Variants in TMEM214 observed in about 807,000 individuals in gnomAD.
TMEM214 encodes transmembrane protein 214.
A neutral mutation model predicts 89.8 loss-of-function variants in TMEM214; 71 were observed. That is an observed-to-expected ratio of 0.79 (90% confidence interval 0.65 to 0.96). TMEM214 has a LOEUF of 0.96. Ranked by LOEUF, TMEM214 falls within the 40% of genes least tolerant of loss-of-function variation. The pLI is 0.00. For synonymous variants in TMEM214, 332 were observed against 349.5 expected (o/e 0.95, Z 0.56); for missense variants, 754 against 843.4 (o/e 0.89, Z 1.31).
chr2:27,039,714 A>C, intron 13 of TMEM214, 27 bp from the exon 14 acceptor site: 2 of 1,603,266 alleles, frequency 1.2e-6, no homozygotes, highest in Non-Finnish European at 1.7e-6. Context: ...CTCACCTCCC[A>C]GCTCACCAGA....
intron 13 of TMEM214, 72 bp downstream of exon 13, chr2:27,039,236 G>GC: frequency 8.0e-7 from 1 of 1,243,440 alleles, no homozygotes; most frequent in Non-Finnish European, 1.2e-6. Flanking sequence ...CCACCACCCC[G>GC]CCCCCAGCAG....
rs777634614 is a variant in TMEM214, at chr2:27,037,935, T to C, written c.1153-211T>C. The C allele has an allele frequency of 1.2e-5, 19 of 1,549,568 alleles. No individual in the cohort carries two copies. In the Admixed American group the frequency reaches 2.7e-4, roughly 22 times the overall value. ...TGCCCGTCTCTTGCAGATAGTGATCTTTGAGCTCAAAGCTCTAGCTCAGGA... is the reference window on the plus strand; with the variant it reads ...TGCCCGTCTCTTGCAGATAGTGATCCTTGAGCTCAAAGCTCTAGCTCAGGA... On this transcript the variant is annotated intron_variant, in intron 9 of 16. Transcript: ENST00000238788.
chr2:27,036,774 A>T lies in TMEM214; in HGVS notation c.896A>T (p.Asp299Val). ...SLSPFAITYL[D>V]RLLLMHPNLT... ...TCTCCCTTTGCCATCACATACCTGG[A>T]TCGGCTGCTCCTGTGAGTAATGGGA... The change falls in exon 7 of 17, where the codon GAT becomes GTT. Residue 299 changes from aspartate (D) to valine (V), a missense_variant. Coordinates refer to ENST00000238788, the MANE Select transcript of TMEM214 (RefSeq NM_017727.5). 1.2e-6 allele frequency: 2 copies of T among 1,614,054 alleles called. No homozygotes were observed. The highest frequency in any genetic ancestry group is 1.7e-6 in the Non-Finnish European group (2 of 1,180,006).
chr2:27,035,081 ACTCC>A (rs1667490538), intron 2 of TMEM214, 50 bp from the exon 3 acceptor site: 2 of 1,602,666 alleles, frequency 1.2e-6, no homozygotes, highest in Non-Finnish European at 1.7e-6. Flanking sequence ...CCATTTCTTT[ACTCC>A]CTCACTCACA....
At chr2:27,037,812 T>G in intron 9 of TMEM214, 110 bp downstream of exon 9, 1 of 1,605,446 alleles carries the variant, frequency 6.2e-7, no homozygotes, top group Non-Finnish European at 8.5e-7. Context: ...GGCTTTTCCT[T>G]AGCTCCCTGT....
Position 27,039,388 on chromosome 2 carries a change from C to A in TMEM214, c.1525+224C>A. 2 of 592,860 alleles carry A rather than the reference C, an allele frequency of 3.4e-6. 1 individual carries two copies. The highest frequency in any genetic ancestry group is 5.6e-5 in the East Asian group (2 of 36,016). 36.7% of individuals were successfully genotyped at this position (592,860 alleles called of 1,614,324 possible). ...AGAAGTGCTTGCATATTCATAGTAT[C>A]ATTTTAGTAGGTGTTACCTCCTTTT... is the stretch of plus-strand genomic sequence containing the variant. On this transcript the variant is annotated intron_variant, in intron 13 of 16. Coordinates refer to ENST00000238788, the MANE Select transcript of TMEM214 (RefSeq NM_017727.5).
chr2:27,038,330 T>C lies in TMEM214; in HGVS notation c.1244+93T>C, dbSNP rs1667663916. On this transcript the variant is annotated intron_variant, in intron 10 of 16. Transcript: ENST00000238788. This position sits in a 1 kb window ranked among gnomAD's most constrained non-coding sequence, Gnocchi z 4.4. ...ATGGCCTGACACCTTTCAGGCTGAG[T>C]GGGAACATTGCTGGAGCAGCCTCTA... is the stretch of plus-strand genomic sequence containing the variant. 7.1e-6 allele frequency: 11 copies of C among 1,544,714 alleles called. No homozygotes were observed. The highest frequency in any genetic ancestry group is 9.8e-6 in the Non-Finnish European group (11 of 1,120,872).
At chr2:27,039,235 CG>C in intron 13 of TMEM214, 71 bp downstream of exon 13, 1 of 1,281,168 alleles carries the variant, frequency 7.8e-7, no homozygotes. Flanking sequence ...ACCACCACCC[CG>C]CCCCCAGCAG....
At chr2:27,037,474 A>G in intron 8 of TMEM214, 87 bp from the exon 9 acceptor site, 1 of 1,525,690 alleles carries the variant, frequency 6.6e-7, no homozygotes, top group Non-Finnish European at 9.0e-7. Context: ...CCCCACAGGC[A>G]GGCATGGGCT....
At chr2:27,034,492 A>G in intron 2 of TMEM214, 2 of 548,184 alleles carry the variant, frequency 3.6e-6, no homozygotes, top group Non-Finnish European at 6.4e-6. Flanking sequence ...GGTAAGAGGA[A>G]AGCCTTGAAG....
Position 27,036,005 on chromosome 2 carries a change from G to A in TMEM214, c.673G>A (p.Ala225Thr), listed in dbSNP as rs1333196447. The A allele has an allele frequency of 1.2e-6, 2 of 1,614,178 alleles. No individual in the cohort carries two copies. The highest frequency in any genetic ancestry group is 3.3e-5 in the Admixed American group (2 of 60,018). The change falls in exon 5 of 17, where the codon GCC (alanine) becomes ACC (threonine). Residue 225 changes from alanine (A) to threonine (T), a missense_variant. Ala to Thr is a moderately conservative substitution (Grantham distance 58). Coordinates refer to ENST00000238788, the MANE Select transcript of TMEM214 (RefSeq NM_017727.5). ...SLHGYRICIQ[A>T]ILQDKPKIAT... ...ACATGGTTACCGCATCTGTATCCAG[G>A]CCATCCTGCAAGACAAGCCCAAGAT... is the stretch of plus-strand genomic sequence containing the variant.
chr2:27,032,988 A>G lies in TMEM214; in HGVS notation c.-28A>G. ...TCGCGCCGGACCGGAAAGCCGGGGA[A>G]GTGGCCGAGGAGGGAGGGCTGCGAG... On this transcript the variant is annotated 5_prime_UTR_variant, in exon 1 of 17. Coordinates refer to ENST00000238788, the MANE Select transcript of TMEM214 (RefSeq NM_017727.5). The G allele has an allele frequency of 1.6e-6, 2 of 1,241,560 alleles. No individual in the cohort carries two copies. Among genetic ancestry groups the G allele is most frequent in the Non-Finnish European group, 2.0e-6 (2 of 985,194 alleles). The allele number at this position is 1,241,560 out of a possible 1,614,324, so 76.9% of individuals were successfully genotyped here. A position where few individuals can be genotyped will look rare whatever the true frequency, so the allele number is the denominator to read the frequency against.
rs1467689055 is a variant in TMEM214, at chr2:27,038,140, G to A, written c.1153-6G>A. 1 of 1,614,044 alleles carries A rather than the reference G, an allele frequency of 6.2e-7. No homozygotes were observed. The highest frequency in any genetic ancestry group is 1.3e-5 in the African/African-American group (1 of 74,930). On this transcript the variant is annotated splice_polypyrimidine_tract_variant and splice_region_variant and intron_variant, in intron 9 of 16. Coordinates refer to ENST00000238788, the MANE Select transcript of TMEM214 (RefSeq NM_017727.5). The surrounding 1 kb of genome is among the most constrained non-coding windows in gnomAD (Gnocchi z 4.4). The stretch of plus-strand genomic sequence containing the variant: ...CAGCAGCCTCTCCCTCTGTCGTGCT[G>A]TGCAGCTCCTGAGCAGCCTGACTGA...
At position 27,038,395 on chromosome 2, in the gene TMEM214, C is replaced by G; in HGVS notation, c.1245-89C>G. ...TGTGGGTGGTAGGTGGAGGGTCTTT[C>G]AGCCTGAAGGAGCCAGGGCTAATGG... On this transcript the variant is annotated intron_variant, in intron 10 of 16. Coordinates refer to ENST00000238788, the MANE Select transcript of TMEM214 (RefSeq NM_017727.5). The surrounding 1 kb of genome is among the most constrained non-coding windows in gnomAD (Gnocchi z 4.4). 6.3e-7 allele frequency: 1 copy of G among 1,577,842 alleles called. No individual in the cohort carries two copies. Among genetic ancestry groups the G allele is most frequent in the Non-Finnish European group, 8.7e-7 (1 of 1,149,046 alleles).
chr2:27,035,265 CG>C lies in TMEM214; in HGVS notation c.483del (p.Leu162Ter). The C allele has an allele frequency of 6.2e-7, 1 of 1,614,236 alleles. No individual in the cohort carries two copies. Among genetic ancestry groups the C allele is most frequent in the Non-Finnish European group, 8.5e-7 (1 of 1,180,042 alleles). Reference protein sequence around the residue: ...YKLQAPLSEPTLSQHTHDYPY... With the variant: ...YKLQAPLSEPXLSQHTHDYPY... ...CTACAAGCTCCTCTAAGTGAACCCA[CG>C]CTGAGCCAGCATACTCATGGTAAGT... On this transcript the variant is annotated frameshift_variant, in exon 3 of 17. Coordinates refer to ENST00000238788, the MANE Select transcript of TMEM214 (RefSeq NM_017727.5). LOFTEE classifies it high-confidence loss of function.
Position 27,035,141 on chromosome 2 carries a change from G to A in TMEM214, c.358G>A (p.Val120Met), listed in dbSNP as rs754112768. Residue 120 changes from valine (V) to methionine (M), a missense_variant, in exon 3 of 17, where the codon GTG becomes ATG. Physicochemically the swap from Val to Met is conservative, Grantham distance 21. Transcript: ENST00000238788. ...GGGGGATTGTCCCTGGCAGCTGGAT[G>A]TGGCAGACCTGCAGAAGGAACTGGA... ...SLEEALKALD[V>M]ADLQKELDKS... The A allele has an allele frequency of 5.0e-6, 8 of 1,613,920 alleles. No individual in the cohort carries two copies. The East Asian group carries it at 1.6e-4, about 31-fold the overall frequency.
At chr2:27,037,866 A>G (rs1186268598) in intron 9 of TMEM214, 164 bp downstream of exon 9, 3 of 1,558,230 alleles carry the variant, frequency 1.9e-6, no homozygotes, top group Admixed American at 1.9e-5. Context: ...CCCTCAGAAG[A>G]TGGATCCCAA....
Position 27,038,037 on chromosome 2 carries a change from A to G in TMEM214, c.1153-109A>G, listed in dbSNP as rs1020091292. 2 of 1,610,026 alleles carry G rather than the reference A, an allele frequency of 1.2e-6. No homozygotes were observed. The highest frequency in any genetic ancestry group is 4.5e-5 in the East Asian group (2 of 44,756). ...ACTGTTTCTCCACCCCTTAGGGTGG[A>G]TGTGCGGCCTGGATGGCCTTGCTTA... On this transcript the variant is annotated intron_variant, in intron 9 of 16. Coordinates refer to ENST00000238788, the MANE Select transcript of TMEM214 (RefSeq NM_017727.5). This position sits in a 1 kb window ranked among gnomAD's most constrained non-coding sequence, Gnocchi z 4.4.
At chr2:27,036,381 G>A in intron 5 of TMEM214, 106 bp from the exon 6 acceptor site, 1 of 995,230 alleles carries the variant, frequency 1.0e-6, no homozygotes, top group Non-Finnish European at 1.6e-6. Flanking sequence ...CTCTTGCTCG[G>A]CCTGTCCTCC....
Sources: gnomAD v4.1 joint callset for allele counts on GRCh38, gnomAD v4.1.1 for gene constraint, Gnocchi (gnomAD v3.1) non-coding constraint, MANE v1.5 for transcripts, NCBI Gene and HGNC (gene_info 2026-07-23, HGNC 2026-07-21) for gene names.